Variants in ADAMTSL1 observed in about 807,000 individuals in gnomAD.
The protein encoded by ADAMTSL1 is ADAMTS-like protein 1.
A neutral mutation model predicts 201.8 loss-of-function variants in ADAMTSL1; 126 were observed. That is an observed-to-expected ratio of 0.62 (90% confidence interval 0.54 to 0.72). ADAMTSL1 has a LOEUF of 0.72. Among genes scored for constraint, ADAMTSL1 ranks in the 30% least tolerant of loss-of-function variants. The pLI is 0.00. For synonymous variants in ADAMTSL1, 1,121 were observed against 903.4 expected (o/e 1.24, Z -4.32); for missense variants, 2,679 against 2,277.8 (o/e 1.18, Z -3.59).
chr9:18,653,829 A>G (rs1265254190), intron 7 of ADAMTSL1, among the ~76,000 whole-genome samples: 3 of 152,238 alleles, frequency 2.0e-5, no homozygotes, highest in African/African-American at 7.2e-5. Context: ...TATTTCAAAC[A>G]GTGAGACAAC....
At chr9:18,893,493 G>A (rs1300963697) in intron 26 of ADAMTSL1, among the ~76,000 whole-genome samples, 1 of 152,154 alleles carries the variant, frequency 6.6e-6, no homozygotes, top group Admixed American at 6.5e-5. Flanking sequence ...TACGTGTCGA[G>A]CTTTAATGTG....
chr9:18,826,263 G>GTT (rs35525189), intron 21 of ADAMTSL1, 21 bp from the exon 22 acceptor site: 5 of 1,356,420 alleles, frequency 3.7e-6, no homozygotes, highest in East Asian at 2.6e-5. Flanking sequence ...GGGGTTTTTT[G>GTT]TTTTTTTTTT....
chr9:18,088,645 A>G (rs1345316387), intron 1 of ADAMTSL1, among the ~76,000 whole-genome samples: 2 of 152,320 alleles, frequency 1.3e-5, no homozygotes, highest in Middle Eastern at 3.4e-3. Context: ...GTCGGTAATC[A>G]TCAGGGAAAT....
chr9:18,235,054 A>G (rs999300521), intron 2 of ADAMTSL1, among the ~76,000 whole-genome samples: 6 of 152,272 alleles, frequency 3.9e-5, no homozygotes, highest in Non-Finnish European at 7.4e-5. Context: ...GCTGTTAACC[A>G]AATCCTAAAT....
intron 23 of ADAMTSL1, among the ~76,000 whole-genome samples, chr9:18,833,980 C>T (rs1312093650): frequency 1.3e-5 from 2 of 151,978 alleles, no homozygotes; most frequent in East Asian, 3.8e-4. Flanking sequence ...GTCAGTTTAT[C>T]GAAGATTAGA....
At chr9:18,570,215 G>A (rs1215007434) in intron 3 of ADAMTSL1, among the ~76,000 whole-genome samples, 21 of 146,360 alleles carry the variant, frequency 1.4e-4, no homozygotes, top group Admixed American at 5.5e-4. Flanking sequence ...GACCCCATTC[G>A]CCACAAAAGG....
chr9:18,770,641 G>A lies in ADAMTSL1; in HGVS notation c.2257G>A (p.Val753Ile). 6.2e-7 allele frequency: 1 copy of A among 1,613,518 alleles called. No homozygotes were observed. Among genetic ancestry groups the A allele is most frequent in the Non-Finnish European group, 8.5e-7 (1 of 1,179,780 alleles). ...TGGCGGGGGTGTTCAGAAACGTGAG[G>A]TTCTTTGCAAGCAGCGCATGGCTGA... ...TCGGGVQKRE[V>I]LCKQRMADGS... The change falls in exon 17 of 29, where the codon GTT becomes ATT. Residue 753 changes from valine (V) to isoleucine (I), a missense_variant. By Grantham distance (29) the Val-to-Ile change is conservative (BLOSUM62 3). Transcript: ENST00000380548.
chr9:18,392,941 A>G (rs1230647687), intron 2 of ADAMTSL1, among the ~76,000 whole-genome samples: 1 of 152,178 alleles, frequency 6.6e-6, no homozygotes, highest in Non-Finnish European at 1.5e-5. Flanking sequence ...TAAGGTAAAA[A>G]GATGCTTTAC....
intron 20 of ADAMTSL1, among the ~76,000 whole-genome samples, chr9:18,797,860 C>T (rs184679470): frequency 2.0e-5 from 3 of 152,312 alleles, no homozygotes; most frequent in Admixed American, 2.0e-4. Context: ...TTCTCTAGCT[C>T]TTCTAGAGTG....
intron 2 of ADAMTSL1, among the ~76,000 whole-genome samples, chr9:18,283,049 T>G (rs557372494): frequency 1.3e-5 from 2 of 152,372 alleles, no homozygotes; most frequent in African/African-American, 4.8e-5. Context: ...AAGAAGAGAA[T>G]TGAAATCAAC....
intron 1 of ADAMTSL1, among the ~76,000 whole-genome samples, chr9:17,983,460 AT>A: frequency 6.6e-6 from 1 of 152,298 alleles, no homozygotes; most frequent in South Asian, 2.1e-4. Context: ...TAACCTTGAA[AT>A]TTTAGCATTT....
chr9:18,274,920 C>T lies in ADAMTSL1; in HGVS notation c.207+110939C>T, dbSNP rs928990382. 2.0e-5 allele frequency among the ~76,000 whole-genome samples: 3 copies of T among 152,296 alleles called. 1 individual carries two copies. The highest frequency in any genetic ancestry group is 1.3e-4 in the Admixed American group (2 of 15,302). On this transcript the variant is annotated intron_variant, in intron 2 of 29. Transcript: ENST00000680146. ...AACTGAAAGTTGGCACAGAAAATTT[C>T]CTCCCATGAGCAAAAGTTGTTTTCA...
chr9:18,173,573 G>A (rs755993966), intron 2 of ADAMTSL1, among the ~76,000 whole-genome samples: 4 of 152,012 alleles, frequency 2.6e-5, no homozygotes, highest in African/African-American at 4.8e-5. Context: ...TTTATGAGAT[G>A]TCCTGCATTT....
At chr9:17,940,035 G>C (rs935126266) in intron 1 of ADAMTSL1, among the ~76,000 whole-genome samples, 1 of 151,978 alleles carries the variant, frequency 6.6e-6, no homozygotes, top group Non-Finnish European at 1.5e-5. Flanking sequence ...AGGGTGTATT[G>C]GGGGGAGGAT....
In ADAMTSL1 at chr9:18,071,892, T is replaced by C. The variant is rs138156941; in HGVS notation, c.88-91970T>C. Among the ~76,000 whole-genome samples, 7 of 152,314 alleles carry C rather than the reference T, an allele frequency of 4.6e-5. No homozygotes were observed. In the East Asian group the frequency reaches 1.4e-3, roughly 29 times the overall value. On this transcript the variant is annotated intron_variant, in intron 1 of 29. Coordinates refer to the ADAMTSL1 transcript ENST00000680146. ...TGATATTCATCAGCCGCACTTCCTGTGTGTCCCTTGCTAGAACATGATCCT... is the reference window on the plus strand; with the variant it reads ...TGATATTCATCAGCCGCACTTCCTGCGTGTCCCTTGCTAGAACATGATCCT...
intron 15 of ADAMTSL1, among the ~76,000 whole-genome samples, chr9:18,722,839 C>T (rs1587985465): frequency 6.6e-6 from 1 of 152,220 alleles, no homozygotes; most frequent in East Asian, 1.9e-4. Context: ...CAGCAGTCAA[C>T]AAGATAGAGT....
chr9:18,327,900 T>C (rs887651132), intron 2 of ADAMTSL1, among the ~76,000 whole-genome samples: 11 of 151,936 alleles, frequency 7.2e-5, no homozygotes, highest in African/African-American at 2.7e-4. Context: ...GCTGTGTAGA[T>C]TGTGGAAGCT....
chr9:18,722,693 A>T (rs1303757744), intron 15 of ADAMTSL1, among the ~76,000 whole-genome samples: 2 of 152,182 alleles, frequency 1.3e-5, no homozygotes, highest in Non-Finnish European at 2.9e-5. Context: ...GTTGTTCTGT[A>T]TGATGATCTG....
intron 16 of ADAMTSL1, among the ~76,000 whole-genome samples, chr9:18,755,797 G>A (rs1391853748): frequency 6.6e-6 from 1 of 151,934 alleles, no homozygotes; most frequent in African/African-American, 2.4e-5. Flanking sequence ...AGCATTTGAG[G>A]ATGAGTCAGG....
Sources: gnomAD v4.1 joint callset for allele counts (sites outside exome capture counted in the v4.1 genomes callset) on GRCh38, gnomAD v4.1.1 for gene constraint, MANE v1.5 for transcripts, NCBI Gene and HGNC (gene_info 2026-07-23, HGNC 2026-07-21) for gene names.